Variants in RAB30 observed in about 807,000 individuals in gnomAD.
RAB30 encodes ras-related protein Rab-30.
In RAB30, 9 loss-of-function variants were observed where a neutral mutation model predicts 25.1. The observed-to-expected ratio is 0.36, with a 90% CI of 0.22 to 0.63. The LOEUF (loss-of-function observed/expected upper bound fraction) is 0.63. RAB30 is among the 20% of genes least tolerant of loss of function. RAB30 has a pLI of 0.69. For missense variants in RAB30, 140 were observed against 243.5 expected (o/e 0.58, Z 2.83); for synonymous variants, 77 against 86.4 (o/e 0.89, Z 0.60).
chr11:82,989,318 C>A (rs954298307), intron 3 of RAB30, among the ~76,000 whole-genome samples: 1 of 152,212 alleles, frequency 6.6e-6, no homozygotes, highest in South Asian at 2.1e-4. Flanking sequence ...GAATCCATTG[C>A]TGTCACCCTC....
chr11:82,986,560 C>A (rs1333269803), intron 4 of RAB30, among the ~76,000 whole-genome samples: 3 of 152,200 alleles, frequency 2.0e-5, no homozygotes, highest in African/African-American at 7.2e-5. Context: ...AAGGGTTTTA[C>A]AGGGAGCACT....
intron 1 of RAB30, among the ~76,000 whole-genome samples, chr11:83,056,526 T>A (rs1268223236): frequency 6.6e-6 from 1 of 152,232 alleles, no homozygotes. Flanking sequence ...ACCTCTATAG[T>A]TCTCAAGGTG....
chr11:82,985,102 C>T (rs1222344315), intron 4 of RAB30, among the ~76,000 whole-genome samples: 3 of 152,070 alleles, frequency 2.0e-5, no homozygotes, highest in African/African-American at 4.8e-5. Flanking sequence ...CTTGGCCTCC[C>T]GCTGGGATTA....
At chr11:83,040,605 A>G (rs990495939) in intron 1 of RAB30, among the ~76,000 whole-genome samples, 60 of 152,296 alleles carry the variant, frequency 3.9e-4, no homozygotes, top group African/African-American at 1.4e-3. Flanking sequence ...AAAAAAAAAA[A>G]AAAAATTGAA....
intron 1 of RAB30, among the ~76,000 whole-genome samples, chr11:83,016,882 G>A (rs1857450555): frequency 6.6e-6 from 1 of 152,164 alleles, no homozygotes; most frequent in Admixed American, 6.6e-5. Flanking sequence ...TCACTCAAAT[G>A]TCATTTATGT....
chr11:83,011,153 C>T (rs548077763), intron 1 of RAB30, among the ~76,000 whole-genome samples: 99 of 152,250 alleles, frequency 6.5e-4, no homozygotes, highest in African/African-American at 2.3e-3. Context: ...GTACCATAGA[C>T]ACATTTTCAG....
intron 1 of RAB30, among the ~76,000 whole-genome samples, chr11:83,026,905 A>C (rs1001717719): frequency 3.9e-5 from 6 of 152,206 alleles, no homozygotes; most frequent in African/African-American, 1.2e-4. Context: ...TAATTGACTT[A>C]GCATACTCAG....
rs1040391052 is a variant in RAB30 at position 82,977,129 on chromosome 11, A to T, written c.*5036T>A. ...GAAAGAGACACCCATTATTTATTAA[A>T]CAGAGCAAGGCCTATGTTTAGCAAG... On this transcript the variant is annotated 3_prime_UTR_variant, in exon 5 of 5. Transcript: ENST00000527633. 1 of 152,244 alleles carries T rather than the reference A, an allele frequency of 6.6e-6. No homozygotes were observed. The highest frequency in any genetic ancestry group is 2.4e-5 in the African/African-American group (1 of 41,468). 9.4% of individuals were successfully genotyped at this position (152,244 alleles called of 1,614,324 possible). A position where few individuals can be genotyped will look rare whatever the true frequency, so the allele number is the denominator to read the frequency against.
intron 1 of RAB30, among the ~76,000 whole-genome samples, chr11:83,008,092 G>A (rs377225681): frequency 2.3e-4 from 35 of 152,292 alleles, no homozygotes; most frequent in African/African-American, 7.5e-4. Context: ...CTGCTTGGCT[G>A]GACCGGAAGA....
At chr11:83,065,268 T>C (rs1406578614) in intron 1 of RAB30, among the ~76,000 whole-genome samples, 1 of 152,140 alleles carries the variant, frequency 6.6e-6, no homozygotes, top group Non-Finnish European at 1.5e-5. Context: ...TGCACACCTG[T>C]GGTCCCCACT....
At chr11:83,060,521 C>T (rs967422634) in intron 1 of RAB30, among the ~76,000 whole-genome samples, 6 of 152,168 alleles carry the variant, frequency 3.9e-5, no homozygotes, top group East Asian at 1.9e-4. Context: ...ATGTTACAAA[C>T]TGACATTAGG....
intron 1 of RAB30, among the ~76,000 whole-genome samples, chr11:83,037,749 G>GTTGTGT (rs1858017475): frequency 6.6e-6 from 1 of 152,162 alleles, no homozygotes; most frequent in Admixed American, 6.5e-5. Flanking sequence ...GTGGACCCCA[G>GTTGTGT]TTGTGTTTGT....
At chr11:83,061,985 C>A (rs1858593701) in intron 1 of RAB30, among the ~76,000 whole-genome samples, 1 of 151,968 alleles carries the variant, frequency 6.6e-6, no homozygotes, top group African/African-American at 2.4e-5. Flanking sequence ...AACAAAAGGT[C>A]TACAGAAAAC....
At position 82,979,619 on chromosome 11, in the gene RAB30, G is replaced by A. The variant is rs1316306779; in HGVS notation, c.*2546C>T. On this transcript the variant is annotated 3_prime_UTR_variant, in exon 5 of 5. Transcript: ENST00000527633. ...TACCACCCCACCTTGGCACTTAAATGTTTATTTGACTAATATTTATTGCAC... is the reference window on the plus strand; with the variant it reads ...TACCACCCCACCTTGGCACTTAAATATTTATTTGACTAATATTTATTGCAC... 6.6e-6 allele frequency: 1 copy of A among 152,118 alleles called. No homozygotes were observed. Among genetic ancestry groups the A allele is most frequent in the East Asian group, 1.9e-4 (1 of 5,188 alleles). 9.4% of individuals were successfully genotyped at this position (152,118 alleles called of 1,614,324 possible).
At chr11:83,048,288 T>C (rs553949302) in intron 1 of RAB30, among the ~76,000 whole-genome samples, 29 of 152,170 alleles carry the variant, frequency 1.9e-4, no homozygotes, top group Middle Eastern at 3.4e-3. Flanking sequence ...GAGACCAGCC[T>C]GGGCAACATA....
At chr11:83,007,237 C>A (rs1468610273) in intron 1 of RAB30, among the ~76,000 whole-genome samples, 2 of 152,166 alleles carry the variant, frequency 1.3e-5, no homozygotes, top group East Asian at 1.9e-4. Context: ...GGCAAGGCCA[C>A]AGACAAAACT....
intron 1 of RAB30, among the ~76,000 whole-genome samples, chr11:83,019,370 C>T (rs1191530977): frequency 6.6e-6 from 1 of 152,168 alleles, no homozygotes; most frequent in Non-Finnish European, 1.5e-5. Flanking sequence ...TTATGTTCAG[C>T]AAAAGTGAAG....
At chr11:83,055,081 C>A (rs965695257) in intron 1 of RAB30, among the ~76,000 whole-genome samples, 1 of 152,260 alleles carries the variant, frequency 6.6e-6, no homozygotes, top group African/African-American at 2.4e-5. Context: ...GCCACCTACC[C>A]GTCATGTGAT....
chr11:83,018,093 G>T (rs561279980), intron 1 of RAB30, among the ~76,000 whole-genome samples: 1 of 152,342 alleles, frequency 6.6e-6, no homozygotes, highest in African/African-American at 2.4e-5. Context: ...AAGGTCAGGA[G>T]ATTGAGACCA....
Sources: allele counts gnomAD v4.1 joint callset (sites outside exome capture counted in the v4.1 genomes callset), GRCh38; gene constraint gnomAD v4.1.1; transcripts MANE v1.5; gene names NCBI Gene and HGNC (gene_info 2026-07-23, HGNC 2026-07-21).